Variants in BUB1B observed in about 807,000 individuals in gnomAD.
The protein encoded by BUB1B is mitotic checkpoint serine/threonine-protein kinase BUB1 beta.
A neutral mutation model predicts 137.7 loss-of-function variants in BUB1B; 86 were observed. The observed-to-expected ratio is 0.62, with a 90% confidence interval of 0.52 to 0.75. BUB1B has a LOEUF of 0.75. BUB1B is among the 30% of genes least tolerant of loss of function. The probability of loss-of-function intolerance (pLI) is 0.00; values close to 1 mark genes in which losing one functional copy is unlikely to be tolerated. For missense variants in BUB1B, 1,130 were observed against 1,236.9 expected, an observed-to-expected ratio of 0.91 and a Z score of 1.30; for synonymous variants, 420 against 417.9, an observed-to-expected ratio of 1.00 and a Z score of -0.06.
chr15:40,199,850 TTAG>T, intron 10 of BUB1B, 123 bp downstream of exon 10: 1 of 784,416 alleles, frequency 1.3e-6, no homozygotes, highest in Admixed American at 2.3e-5. Flanking sequence ...TTCTTAGCTG[TTAG>T]TAGCCGGAAA....
chr15:40,169,327 AC>A (rs1269328736), intron 2 of BUB1B, among the ~76,000 whole-genome samples: 1 of 152,034 alleles, frequency 6.6e-6, no homozygotes, highest in East Asian at 1.9e-4. Context: ...ATGTGTGTAA[AC>A]CCTTTACATT....
At chr15:40,195,333 G>A (rs2037485409) in intron 8 of BUB1B, among the ~76,000 whole-genome samples, 1 of 152,116 alleles carries the variant, frequency 6.6e-6, no homozygotes. Context: ...TTGTGGCTGA[G>A]TAGTATTTCA....
chr15:40,180,770 C>T (rs2037282673), intron 5 of BUB1B, among the ~76,000 whole-genome samples: 1 of 150,444 alleles, frequency 6.6e-6, no homozygotes, highest in African/African-American at 2.4e-5. Flanking sequence ...CTGCCTCAGC[C>T]TCCCGAGTAG....
intron 12 of BUB1B, among the ~76,000 whole-genome samples, chr15:40,201,714 T>C (rs765724945): frequency 6.6e-6 from 1 of 152,246 alleles, no homozygotes; most frequent in Non-Finnish European, 1.5e-5. Context: ...TCGCCCAGGC[T>C]GGAGTGCGGT....
intron 8 of BUB1B, among the ~76,000 whole-genome samples, chr15:40,190,666 T>C (rs2037425197): frequency 6.6e-6 from 1 of 152,214 alleles, no homozygotes; most frequent in African/African-American, 2.4e-5. Context: ...ACCTTTGGCA[T>C]ATCCAAATCA....
At chr15:40,181,786 C>G (rs565345598) in intron 5 of BUB1B, among the ~76,000 whole-genome samples, 2 of 152,262 alleles carry the variant, frequency 1.3e-5, no homozygotes, top group Non-Finnish European at 2.9e-5. Flanking sequence ...CTGTATTTTT[C>G]AATTCTAAAA....
chr15:40,176,366 T>TA (rs1324513309), intron 4 of BUB1B, 111 bp from the exon 5 acceptor site: 1 of 979,116 alleles, frequency 1.0e-6, no homozygotes, highest in East Asian at 2.6e-5. Flanking sequence ...TAATAATAGA[T>TA]TTTTTTTTCA....
chr15:40,177,876 T>C (rs1436717328), intron 5 of BUB1B, among the ~76,000 whole-genome samples: 2 of 151,890 alleles, frequency 1.3e-5, no homozygotes, highest in Admixed American at 1.3e-4. Context: ...TTTGTGGGCA[T>C]AGAGTTGTTC....
intron 9 of BUB1B, among the ~76,000 whole-genome samples, 182 bp downstream of exon 9, chr15:40,196,956 T>G (rs1457145250): frequency 6.6e-6 from 1 of 152,198 alleles, no homozygotes; most frequent in Non-Finnish European, 1.5e-5. Flanking sequence ...GTTGTACTGT[T>G]TCTGTGTATC....
rs1395381659 is a variant in BUB1B, at chr15:40,165,048, C to T, written c.36-5C>T. ...TGAGATTTACATTTGTTTCCTTCTT[C>T]ACAGTGAAGCCATGTCCCTGGAGGG... On this transcript the variant is annotated splice_region_variant and splice_polypyrimidine_tract_variant and intron_variant, in intron 1 of 22. Coordinates refer to ENST00000287598, the MANE Select transcript of BUB1B (RefSeq NM_001211.6). 1 of 1,614,094 alleles carries T rather than the reference C, an allele frequency of 6.2e-7. No individual in the cohort carries two copies. The highest frequency in any genetic ancestry group is 1.1e-5 in the South Asian group (1 of 91,066).
At chr15:40,184,030 T>A (rs1214246211) in intron 6 of BUB1B, 147 bp downstream of exon 6, 1 of 826,212 alleles carries the variant, frequency 1.2e-6, no homozygotes, top group Middle Eastern at 3.1e-4. Context: ...AGAGCTAATA[T>A]TACAGTGTGC....
At chr15:40,195,026 G>A (rs1229077776) in intron 8 of BUB1B, among the ~76,000 whole-genome samples, 1 of 152,088 alleles carries the variant, frequency 6.6e-6, no homozygotes, top group Non-Finnish European at 1.5e-5. Context: ...AACAGGTGGT[G>A]TTTGGTTACA....
chr15:40,163,966 A>G (rs1328997358), intron 1 of BUB1B, among the ~76,000 whole-genome samples: 1 of 152,180 alleles, frequency 6.6e-6, no homozygotes, highest in East Asian at 1.9e-4. Context: ...TTTTGTTTTA[A>G]GTCCAGAGGT....
chr15:40,215,094 G>C (rs1227646261), intron 20 of BUB1B, among the ~76,000 whole-genome samples: 1 of 152,188 alleles, frequency 6.6e-6, no homozygotes. Flanking sequence ...AAAGTCCATA[G>C]TATTAAAGAG....
At chr15:40,190,237 A>G (rs1309287678) in intron 8 of BUB1B, among the ~76,000 whole-genome samples, 1 of 152,212 alleles carries the variant, frequency 6.6e-6, no homozygotes, top group Non-Finnish European at 1.5e-5. Flanking sequence ...TTTCACTGAT[A>G]GAAGATTCAT....
chr15:40,207,395 G>T (rs1407378380), intron 15 of BUB1B, among the ~76,000 whole-genome samples: 3 of 152,108 alleles, frequency 2.0e-5, no homozygotes, highest in Non-Finnish European at 4.4e-5. Flanking sequence ...TTTCAGGCCA[G>T]GAGTTGAAGA....
chr15:40,179,339 A>AC (rs1278112531), intron 5 of BUB1B, among the ~76,000 whole-genome samples: 1 of 152,068 alleles, frequency 6.6e-6, no homozygotes, highest in African/African-American at 2.4e-5. Context: ...GGTTGTTTGC[A>AC]CCTTCTGGCT....
chr15:40,164,209 T>C (rs2140877981), intron 1 of BUB1B, among the ~76,000 whole-genome samples: 1 of 152,278 alleles, frequency 6.6e-6, no homozygotes, highest in East Asian at 1.9e-4. Flanking sequence ...GGGACATTAG[T>C]CTCACCCACA....
intron 1 of BUB1B, 87 bp downstream of exon 1, chr15:40,161,342 G>T: frequency 6.8e-7 from 1 of 1,471,008 alleles, no homozygotes. Context: ...AGCAGTCGAG[G>T]GGGAGATCGG....
Sources: gnomAD v4.1 joint callset for allele counts (sites outside exome capture counted in the v4.1 genomes callset) on GRCh38, gnomAD v4.1.1 for gene constraint, MANE v1.5 for transcripts, NCBI Gene and HGNC (gene_info 2026-07-23, HGNC 2026-07-21) for gene names.